TMEFF2: variants seen among roughly 807,000 people sequenced by gnomAD.
The protein encoded by TMEFF2 is transmembrane protein with EGF like and two follistatin like domains 2.
In TMEFF2, 28 loss-of-function variants were observed where a neutral mutation model predicts 53.8. The observed-to-expected ratio is 0.52, with a 90% CI of 0.39 to 0.71. TMEFF2 has a LOEUF of 0.71. TMEFF2 is among the 30% of genes least tolerant of loss of function. The pLI is 0.00. For missense variants in TMEFF2, 353 were observed against 455.2 expected, an observed-to-expected ratio of 0.78 and a Z score of 2.04; for synonymous variants, 162 against 166.3, an observed-to-expected ratio of 0.97 and a Z score of 0.20.
chr2:191,988,264 T>C (rs1686025305), intron 7 of TMEFF2, among the ~76,000 whole-genome samples: 1 of 152,220 alleles, frequency 6.6e-6, no homozygotes, highest in South Asian at 2.1e-4. Flanking sequence ...TTGTTTCTCA[T>C]GCTTCTATAG....
chr2:192,122,590 C>T (rs563117349), intron 4 of TMEFF2, among the ~76,000 whole-genome samples: 4 of 152,088 alleles, frequency 2.6e-5, no homozygotes, highest in Admixed American at 1.3e-4. Context: ...TACTGATCAA[C>T]GGGGCAATGA....
At chr2:192,139,095 T>G (rs904923942) in intron 4 of TMEFF2, among the ~76,000 whole-genome samples, 1 of 152,044 alleles carries the variant, frequency 6.6e-6, no homozygotes, top group African/African-American at 2.4e-5. Flanking sequence ...GTACAACATA[T>G]GAAGGGAAGA....
In TMEFF2 at chr2:192,075,309, A is replaced by G. The variant is rs13388398; in HGVS notation, c.440-17534T>C. Among the ~76,000 whole-genome samples the G allele has an allele frequency of 1.1e-3, 71 of 64,804 alleles. 5 individuals are homozygous for G. Among genetic ancestry groups the G allele is most frequent in the African/African-American group, 3.0e-3 (67 of 22,704 alleles). 42.5% of individuals were successfully genotyped at this position (64,804 alleles called of 152,430 possible). ...ATTATATATATATATATATATATAT[A>G]TATATATATATATATATATATATAC... On this transcript the variant is annotated intron_variant, in intron 4 of 9. Transcript: ENST00000272771.
At chr2:191,978,978 T>C (rs983005684) in intron 7 of TMEFF2, among the ~76,000 whole-genome samples, 3 of 152,164 alleles carry the variant, frequency 2.0e-5, no homozygotes, top group Admixed American at 6.6e-5. Flanking sequence ...GGGAGAACCA[T>C]ACAATGTAGG....
At chr2:192,135,708 C>T (rs1034098613) in intron 4 of TMEFF2, among the ~76,000 whole-genome samples, 7 of 152,076 alleles carry the variant, frequency 4.6e-5, no homozygotes, top group Non-Finnish European at 1.0e-4. Context: ...GCCAAGCCAT[C>T]GCATCCCCTG....
intron 7 of TMEFF2, among the ~76,000 whole-genome samples, chr2:191,968,456 A>T (rs924111680): frequency 1.2e-4 from 18 of 152,116 alleles, no homozygotes; most frequent in African/African-American, 4.3e-4. Context: ...GAAGTTGAGA[A>T]ATATCTCTTT....
chr2:192,067,304 C>T (rs1688188882), intron 4 of TMEFF2, among the ~76,000 whole-genome samples: 1 of 151,756 alleles, frequency 6.6e-6, no homozygotes, highest in East Asian at 1.9e-4. Context: ...AGTGGTTGGT[C>T]TTAGAGGCAG....
At chr2:191,983,611 G>T (rs545104418) in intron 7 of TMEFF2, among the ~76,000 whole-genome samples, 2 of 152,082 alleles carry the variant, frequency 1.3e-5, no homozygotes, top group Non-Finnish European at 2.9e-5. Flanking sequence ...TTATTAAGAG[G>T]GGTCTACCCC....
At position 191,995,465 on chromosome 2, in the gene TMEFF2, T is replaced by G. The variant is rs368623784; in HGVS notation, c.745+2797A>C. ...AGTGGCTGTGACATTAAATGAGCTG[T>G]GAGCACACAGCAAAGTTTGAGGGAT... On this transcript the variant is annotated intron_variant, in intron 7 of 9. Transcript: ENST00000272771. 3.3e-5 allele frequency among the ~76,000 whole-genome samples: 5 copies of G among 152,134 alleles called. No homozygotes were observed. The South Asian group carries it at 1.0e-3, about 31-fold the overall frequency.
At chr2:192,135,223 T>G (rs78712278) in intron 4 of TMEFF2, among the ~76,000 whole-genome samples, 1 of 152,190 alleles carries the variant, frequency 6.6e-6, no homozygotes, top group Admixed American at 6.5e-5. Flanking sequence ...CTCCAAGCCA[T>G]CACAGCTGAT....
At position 192,127,597 on chromosome 2, in the gene TMEFF2, T is replaced by G. The variant is rs10497723; in HGVS notation, c.439+52071A>C. ...ATGGAACTATGATTTGGGGCTAACG[T>G]TGAAAAATTGTGCTTCAACACATGA... On this transcript the variant is annotated intron_variant, in intron 4 of 9. Transcript: ENST00000272771. Among the ~76,000 whole-genome samples, 6 of 152,216 alleles carry G rather than the reference T, an allele frequency of 3.9e-5. No individual in the cohort carries two copies. In the South Asian group the frequency reaches 1.2e-3, roughly 32 times the overall value.
intron 4 of TMEFF2, among the ~76,000 whole-genome samples, chr2:192,110,829 G>A (rs1689256407): frequency 6.6e-6 from 1 of 152,138 alleles, no homozygotes; most frequent in South Asian, 2.1e-4. Flanking sequence ...TGTGGAAGGG[G>A]CCTGGTGGGA....
At chr2:192,037,531 C>T (rs1687349761) in intron 5 of TMEFF2, among the ~76,000 whole-genome samples, 2 of 150,854 alleles carry the variant, frequency 1.3e-5, no homozygotes, top group African/African-American at 4.9e-5. Context: ...TATTAGGCTG[C>T]CTGATTGGCA....
At chr2:192,157,937 T>C (rs1265699596) in intron 4 of TMEFF2, among the ~76,000 whole-genome samples, 2 of 152,068 alleles carry the variant, frequency 1.3e-5, no homozygotes, top group African/African-American at 4.8e-5. Flanking sequence ...GTGCGTTTCC[T>C]TTATCTCAAA....
At chr2:192,040,379 T>C (rs1462894339) in intron 5 of TMEFF2, among the ~76,000 whole-genome samples, 1 of 152,178 alleles carries the variant, frequency 6.6e-6, no homozygotes, top group African/African-American at 2.4e-5. Flanking sequence ...ATCTTCATTA[T>C]ATGTTTACCT....
intron 1 of TMEFF2, among the ~76,000 whole-genome samples, chr2:192,192,421 T>C (rs921610976): frequency 1.3e-5 from 2 of 152,166 alleles, no homozygotes; most frequent in Non-Finnish European, 2.9e-5. Context: ...TAATTGTTCT[T>C]TTGCTTCAAC....
intron 4 of TMEFF2, among the ~76,000 whole-genome samples, chr2:192,090,377 G>A (rs1243019923): frequency 4.6e-5 from 7 of 152,128 alleles, no homozygotes; most frequent in Non-Finnish European, 1.0e-4. Flanking sequence ...TGGAAAAAAT[G>A]TACTAGTCCA....
At chr2:192,102,236 C>T (rs1689046624) in intron 4 of TMEFF2, among the ~76,000 whole-genome samples, 1 of 152,172 alleles carries the variant, frequency 6.6e-6, no homozygotes, top group Non-Finnish European at 1.5e-5. Flanking sequence ...TCTCTTTCAG[C>T]TTTTAGCTAA....
chr2:192,037,625 A>G (rs538388288), intron 5 of TMEFF2, among the ~76,000 whole-genome samples: 102 of 80,974 alleles, frequency 1.3e-3, no homozygotes, highest in African/African-American at 3.7e-3. Flanking sequence ...AAAGAGAGAG[A>G]GGAGAGAAAG....
Sources: gnomAD v4.1 joint callset for allele counts (sites outside exome capture counted in the v4.1 genomes callset) on GRCh38, gnomAD v4.1.1 for gene constraint, MANE v1.5 for transcripts, NCBI Gene and HGNC (gene_info 2026-07-23, HGNC 2026-07-21) for gene names.